Variants in TESMIN observed in about 807,000 individuals in gnomAD.
The protein encoded by TESMIN is CXC domain containing 2.
TESMIN carries 34 observed loss-of-function variants against 47.4 expected under a neutral mutation model. That is an observed-to-expected ratio of 0.72 (90% confidence interval 0.55 to 0.96). The LOEUF (loss-of-function observed/expected upper bound fraction) is 0.96. TESMIN is among the 40% of genes least tolerant of loss of function. The pLI, the probability that TESMIN is intolerant of heterozygous loss-of-function variation, is 0.00. For missense variants in TESMIN, 610 were observed against 637.2 expected, an observed-to-expected ratio of 0.96 and a Z score of 0.46; for synonymous variants, 278 against 258.9, an observed-to-expected ratio of 1.07 and a Z score of -0.71.
At chr11:68,713,704 T>C (rs1003545681) in intron 7 of TESMIN, among the ~76,000 whole-genome samples, 2 of 152,214 alleles carry the variant, frequency 1.3e-5, no homozygotes, top group Non-Finnish European at 2.9e-5. Context: ...TATTTCCGTG[T>C]GGACACATTT....
At chr11:68,718,256 A>G (rs1335349931) in intron 6 of TESMIN, among the ~76,000 whole-genome samples, 1 of 149,092 alleles carries the variant, frequency 6.7e-6, no homozygotes, top group Non-Finnish European at 1.5e-5. Context: ...CTTCCAGAGT[A>G]TGAAAGACAG....
At position 68,750,404 on chromosome 11, in the gene TESMIN, C is replaced by T. The variant is rs1455131978; in HGVS notation, c.257G>A (p.Gly86Asp). ...GAGGAGCTCCCCGCCGTCGCTGTCG[C>T]CCCCCGCGAGCTTCGCCTTGACCTG... ...KGQVKAKLAG[G>D]DSDGGELLGE... The change falls in exon 2 of 10, where the codon GGC (glycine) becomes GAC (aspartate). Residue 86 changes from glycine (G) to aspartate (D), a missense_variant. Coordinates refer to ENST00000255087, the MANE Select transcript of TESMIN (RefSeq NM_004923.3). The T allele has an allele frequency of 5.3e-6, 8 of 1,521,494 alleles. No homozygotes were observed. Among genetic ancestry groups the T allele is most frequent in the Non-Finnish European group, 7.1e-6 (8 of 1,130,156 alleles). 94.2% of individuals were successfully genotyped at this position (1,521,494 alleles called of 1,614,324 possible). A position where few individuals can be genotyped will look rare whatever the true frequency, so the allele number is the denominator to read the frequency against.
At chr11:68,741,783 G>A (rs1946460123) in intron 5 of TESMIN, among the ~76,000 whole-genome samples, 1 of 152,336 alleles carries the variant, frequency 6.6e-6, no homozygotes, top group South Asian at 2.1e-4. Context: ...CAGTGAGAGT[G>A]CCATGCAGAG....
At chr11:68,728,106 G>T (rs1234478021) in intron 6 of TESMIN, among the ~76,000 whole-genome samples, 3 of 152,134 alleles carry the variant, frequency 2.0e-5, no homozygotes, top group African/African-American at 7.2e-5. Context: ...TGGCCTCTAA[G>T]TGTTCAAGAG....
intron 8 of TESMIN, among the ~76,000 whole-genome samples, 170 bp downstream of exon 8, chr11:68,713,100 G>GT (rs1946092256): frequency 6.6e-6 from 1 of 152,212 alleles, no homozygotes; most frequent in Admixed American, 6.5e-5. Context: ...AAGCTCAGCT[G>GT]TATTTGGGAA....
chr11:68,714,607 C>T (rs1197754278), intron 7 of TESMIN, among the ~76,000 whole-genome samples: 1 of 152,234 alleles, frequency 6.6e-6, no homozygotes, highest in Non-Finnish European at 1.5e-5. Flanking sequence ...CGCACTGCTG[C>T]GCTTAGCTGT....
Position 68,748,572 on chromosome 11 carries a change from C to T in TESMIN, c.472-1206G>A, listed in dbSNP as rs1467987414. ...TACTAAAATTCCATTTCTGACCTTT[C>T]AAAACAAAGGTCAACATGTGGGAAT... On this transcript the variant is annotated intron_variant, in intron 2 of 9. Coordinates refer to ENST00000255087, the MANE Select transcript of TESMIN (RefSeq NM_004923.3). Among the ~76,000 whole-genome samples, 4 of 152,152 alleles carry T rather than the reference C, an allele frequency of 2.6e-5. No homozygotes were observed. The East Asian group carries it at 7.7e-4, about 29-fold the overall frequency.
At position 68,710,922 on chromosome 11, in the gene TESMIN, T is replaced by A. The variant is rs760927614; in HGVS notation, c.1286A>T (p.Tyr429Phe). The A allele has an allele frequency of 3.7e-6, 6 of 1,613,944 alleles. No individual in the cohort carries two copies. The South Asian group carries it at 4.4e-5, about 12-fold the overall frequency. Residue 429 changes from tyrosine to phenylalanine, a missense_variant, in exon 9 of 10, where the codon TAC becomes TTC. Physicochemically the swap from Tyr to Phe is conservative, Grantham distance 22. Transcript: ENST00000255087. The stretch of plus-strand genomic sequence containing the variant: ...TCCTGAAAATTTCGTTGGTGGCAGG[T>A]AATGGCTGCCTTCCAAACCTCCAGT... Reference protein sequence around the residue: ...MQTGGLEGSHYLPPTKFSGLP... With the variant: ...MQTGGLEGSHFLPPTKFSGLP...
chr11:68,710,484 C>A, intron 9 of TESMIN: 1 of 173,276 alleles, frequency 5.8e-6, no homozygotes, highest in Non-Finnish European at 1.2e-5. Context: ...TGCCACTTCC[C>A]ACGATAAAGG....
intron 2 of TESMIN, 38 bp from the exon 3 acceptor site, chr11:68,747,404 T>G: frequency 6.4e-7 from 1 of 1,554,148 alleles, no homozygotes; most frequent in African/African-American, 1.4e-5. Flanking sequence ...GAACACATGG[T>G]GGACACTGGC....
intron 4 of TESMIN, among the ~76,000 whole-genome samples, chr11:68,742,829 C>A (rs911209232): frequency 6.6e-6 from 1 of 152,132 alleles, no homozygotes; most frequent in Non-Finnish European, 1.5e-5. Flanking sequence ...GTAGCTGAGC[C>A]TATAGGCATA....
intron 6 of TESMIN, 104 bp downstream of exon 6, chr11:68,738,596 G>A: frequency 4.5e-6 from 7 of 1,547,908 alleles, no homozygotes; most frequent in Admixed American, 3.8e-5. Context: ...TCATGAAGGT[G>A]TGCAGTGAAG....
intron 6 of TESMIN, among the ~76,000 whole-genome samples, chr11:68,717,941 G>C (rs1234432472): frequency 6.6e-6 from 1 of 152,204 alleles, no homozygotes; most frequent in East Asian, 1.9e-4. Context: ...TCTAGCAGGA[G>C]ACTAGAAAAG....
chr11:68,714,213 C>T (rs920955602), intron 7 of TESMIN, among the ~76,000 whole-genome samples: 1 of 152,226 alleles, frequency 6.6e-6, no homozygotes, highest in Non-Finnish European at 1.5e-5. Flanking sequence ...AGCAGCACGG[C>T]CCCTAGCACA....
At chr11:68,709,472 G>A (rs568115556) in intron 9 of TESMIN, among the ~76,000 whole-genome samples, 3 of 152,352 alleles carry the variant, frequency 2.0e-5, no homozygotes, top group Admixed American at 2.0e-4. Context: ...CTGTGAAAGA[G>A]GTTCTGGAAG....
intron 6 of TESMIN, chr11:68,737,218 C>A (rs1280976497): frequency 3.0e-6 from 3 of 985,172 alleles, no homozygotes; most frequent in Non-Finnish European, 3.6e-6. Flanking sequence ...AGCAACTGCA[C>A]CCTCACCGAT....
chr11:68,738,837 A>G, intron 5 of TESMIN, 49 bp from the exon 6 acceptor site: 2 of 1,514,250 alleles, frequency 1.3e-6, no homozygotes, highest in Non-Finnish European at 1.8e-6. Flanking sequence ...AGGATTTTTA[A>G]AGTTCCAGTC....
intron 7 of TESMIN, 134 bp from the exon 8 acceptor site, chr11:68,713,541 G>A (rs1297411674): frequency 1.1e-6 from 1 of 920,006 alleles, no homozygotes; most frequent in Admixed American, 2.5e-5. Flanking sequence ...TGGTTCAGAA[G>A]GTGCAGCCCC....
At chr11:68,711,101 A>C (rs759848002) in intron 8 of TESMIN, 52 bp from the exon 9 acceptor site, 2 of 1,432,076 alleles carry the variant, frequency 1.4e-6, no homozygotes, top group Non-Finnish European at 1.9e-6. Flanking sequence ...AAGTCATCAA[A>C]AACTGACAAA....
Sources: allele counts gnomAD v4.1 joint callset (sites outside exome capture counted in the v4.1 genomes callset), GRCh38; gene constraint gnomAD v4.1.1; transcripts MANE v1.5; gene names NCBI Gene and HGNC (gene_info 2026-07-23, HGNC 2026-07-21).